The following EPB41L4A variants were observed in gnomAD, a reference collection of about 807,000 sequenced individuals.
EPB41L4A encodes the protein erythrocyte membrane protein band 4.1 like 4A.
EPB41L4A carries 100 observed loss-of-function variants against 108.6 expected under a neutral mutation model. The observed-to-expected ratio is 0.92, with a 90% CI of 0.78 to 1.09. The LOEUF (loss-of-function observed/expected upper bound fraction) is 1.09, where lower values mean the gene tolerates loss of function less well. Among genes scored for constraint, EPB41L4A ranks in the 50% least tolerant of loss-of-function variants. The pLI is 0.00. For synonymous variants in EPB41L4A, 319 were observed against 289.0 expected, an observed-to-expected ratio of 1.10 and a Z score of -1.05; for missense variants, 1,030 against 842.7, an observed-to-expected ratio of 1.22 and a Z score of -2.75.
intron 9 of EPB41L4A, 81 bp from the exon 10 acceptor site, chr5:112,240,891 T>G (rs1374258646): frequency 6.5e-6 from 5 of 766,564 alleles, no homozygotes; most frequent in Non-Finnish European, 8.5e-6. Flanking sequence ...CCCCTTTAAG[T>G]AACAAAAATT....
At chr5:112,363,620 A>G (rs366180) in intron 1 of EPB41L4A, 76,296 of 152,150 alleles carry the variant, frequency 0.5, 19,259 homozygotes, top group South Asian at 0.64. Context: ...GAACATCTCC[A>G]CCATCAATGT....
At chr5:112,278,060 T>C (rs1326638815) in intron 3 of EPB41L4A, among the ~76,000 whole-genome samples, 2 of 152,148 alleles carry the variant, frequency 1.3e-5, no homozygotes, top group South Asian at 2.1e-4. Flanking sequence ...TAAATCAAGA[T>C]TAACTATAAG....
intron 1 of EPB41L4A, among the ~76,000 whole-genome samples, chr5:112,359,544 CT>C (rs5870498): frequency 0.17 from 24,347 of 146,252 alleles, 1,950 homozygotes; most frequent in East Asian, 0.32. Flanking sequence ...TGAAAGTCTT[CT>C]TTTTTTTTTT....
At position 112,325,224 on chromosome 5, in the gene EPB41L4A, G is replaced by A. The variant is rs572965677; in HGVS notation, c.100-17734C>T. Reference sequence around the variant, plus strand: ...TGGGAAGCTGAGGCGGGCAGATCACGAGGTCAGGAGATCAGGACCATCCTG... The same window carrying A: ...TGGGAAGCTGAGGCGGGCAGATCACAAGGTCAGGAGATCAGGACCATCCTG... On this transcript the variant is annotated intron_variant, in intron 1 of 22. Coordinates refer to ENST00000261486, the MANE Select transcript of EPB41L4A (RefSeq NM_022140.5). Among the ~76,000 whole-genome samples, 5 of 152,180 alleles carry A rather than the reference G, an allele frequency of 3.3e-5. No individual in the cohort carries two copies. In the South Asian group the frequency reaches 8.3e-4, roughly 25 times the overall value.
chr5:112,149,111 T>C (rs1759370374), intron 12 of EPB41L4A, among the ~76,000 whole-genome samples: 1 of 152,210 alleles, frequency 6.6e-6, no homozygotes, highest in Non-Finnish European at 1.5e-5. Context: ...ATTCTCATCA[T>C]CTTATTATTT....
chr5:112,144,629 C>A (rs1337631425), intron 13 of EPB41L4A, among the ~76,000 whole-genome samples: 1 of 152,170 alleles, frequency 6.6e-6, no homozygotes, highest in Non-Finnish European at 1.5e-5. Context: ...TGAATTTACA[C>A]CTAATCCTCA....
At chr5:112,180,801 C>T (rs939145332) in intron 18 of EPB41L4A, among the ~76,000 whole-genome samples, 4 of 152,018 alleles carry the variant, frequency 2.6e-5, no homozygotes, top group Admixed American at 6.6e-5. Context: ...TCATTCATAA[C>T]GTGCATATCT....
intron 2 of EPB41L4A, among the ~76,000 whole-genome samples, chr5:112,292,643 TAGA>T (rs1045503780): frequency 2.0e-4 from 30 of 152,182 alleles, no homozygotes; most frequent in Middle Eastern, 3.2e-3. Context: ...AAAATATAAG[TAGA>T]ATAGAAAATA....
chr5:112,419,179 G>A lies in EPB41L4A; in HGVS notation c.-140C>T, dbSNP rs1762916123. 1 of 601,884 alleles carries A rather than the reference G, an allele frequency of 1.7e-6. No homozygotes were observed. The highest frequency in any genetic ancestry group is 2.8e-6 in the Non-Finnish European group (1 of 352,640). 37.3% of individuals were successfully genotyped at this position (601,884 alleles called of 1,614,324 possible). A position where few individuals can be genotyped will look rare whatever the true frequency, so the allele number is the denominator to read the frequency against. ...CGAGCAGCTCCCGGCGGGGTCCGGG[G>A]ACCGGCCGCCGAACCGCCCGGCGGG... On this transcript the variant is annotated 5_prime_UTR_variant, in exon 1 of 23. Coordinates refer to ENST00000261486, the MANE Select transcript of EPB41L4A (RefSeq NM_022140.5).
At chr5:112,215,687 C>T (rs536550219) in intron 12 of EPB41L4A, among the ~76,000 whole-genome samples, 8 of 139,122 alleles carry the variant, frequency 5.8e-5, no homozygotes, top group East Asian at 4.6e-4. Context: ...GGCGTGATCC[C>T]GGAAGGTGGA....
intron 22 of EPB41L4A, among the ~76,000 whole-genome samples, chr5:112,167,574 C>A (rs1291389958): frequency 6.6e-6 from 1 of 152,126 alleles, no homozygotes; most frequent in Non-Finnish European, 1.5e-5. Context: ...ACATCCCTTA[C>A]CCAGTGACTT....
intron 9 of EPB41L4A, among the ~76,000 whole-genome samples, chr5:112,245,455 G>T (rs553805898): frequency 1.3e-4 from 20 of 152,266 alleles, no homozygotes; most frequent in African/African-American, 4.8e-4. Context: ...GCCCAACTTA[G>T]GAGTTTATTT....
intron 13 of EPB41L4A, among the ~76,000 whole-genome samples, chr5:112,145,657 T>G (rs933180433): frequency 3.9e-5 from 6 of 152,208 alleles, no homozygotes; most frequent in Admixed American, 3.3e-4. Context: ...ACTACCAAGT[T>G]TAACCAGCCT....
At chr5:112,189,072 T>C (rs1441640046) in intron 17 of EPB41L4A, among the ~76,000 whole-genome samples, 1 of 152,228 alleles carries the variant, frequency 6.6e-6, no homozygotes, top group Non-Finnish European at 1.5e-5. Flanking sequence ...ACTGTAGACA[T>C]CTGGTAGACC....
At position 112,190,775 on chromosome 5, in the gene EPB41L4A, A is replaced by G. The variant is rs561622538; in HGVS notation, c.1502+3793T>C. 5.3e-5 allele frequency among the ~76,000 whole-genome samples: 8 copies of G among 152,348 alleles called. No individual in the cohort carries two copies. In the East Asian group the frequency reaches 1.3e-3, roughly 26 times the overall value. On this transcript the variant is annotated intron_variant, in intron 17 of 22. Coordinates refer to ENST00000261486, the MANE Select transcript of EPB41L4A (RefSeq NM_022140.5). ...TTGAATTGGTTATACAAGTTGCCCAAGGTCAAGTATCAGCACACAGCAAAA... is the reference window on the plus strand; with the variant it reads ...TTGAATTGGTTATACAAGTTGCCCAGGGTCAAGTATCAGCACACAGCAAAA...
At chr5:112,246,604 C>A (rs545513802) in intron 9 of EPB41L4A, among the ~76,000 whole-genome samples, 3 of 152,238 alleles carry the variant, frequency 2.0e-5, no homozygotes, top group African/African-American at 7.2e-5. Flanking sequence ...TAAGGAAATT[C>A]CTAGTGAGCT....
chr5:112,296,118 T>G (rs1753970229), intron 2 of EPB41L4A, among the ~76,000 whole-genome samples: 1 of 152,180 alleles, frequency 6.6e-6, no homozygotes, highest in African/African-American at 2.4e-5. Context: ...ATAAGCCAAA[T>G]GAACTAAATC....
In EPB41L4A at chr5:112,249,785, C is replaced by A. The variant is rs556577178; in HGVS notation, c.796-8975G>T. ...CATTTCTTACAACACTAAGGTCTTGCGATATTGGCATAGAAGGGTTCTTTG... is the reference window on the plus strand; with the variant it reads ...CATTTCTTACAACACTAAGGTCTTGAGATATTGGCATAGAAGGGTTCTTTG... On this transcript the variant is annotated intron_variant, in intron 9 of 22. Transcript: ENST00000261486. Among the ~76,000 whole-genome samples, 5 of 152,222 alleles carry A rather than the reference C, an allele frequency of 3.3e-5. No homozygotes were observed. In the South Asian group the frequency reaches 1.0e-3, roughly 32 times the overall value.
intron 1 of EPB41L4A, among the ~76,000 whole-genome samples, chr5:112,321,847 C>T (rs905693963): frequency 6.6e-6 from 1 of 152,092 alleles, no homozygotes; most frequent in Non-Finnish European, 1.5e-5. Context: ...GCAAAGCAGC[C>T]CCATGATGTG....
Sources: allele counts gnomAD v4.1 joint callset (sites outside exome capture counted in the v4.1 genomes callset), GRCh38; gene constraint gnomAD v4.1.1; transcripts MANE v1.5; gene names NCBI Gene and HGNC (gene_info 2026-07-23, HGNC 2026-07-21).